The following SFMBT2 variants were observed in gnomAD, a reference collection of about 807,000 sequenced individuals.
SFMBT2 encodes scm-like with four MBT domains protein 2.
SFMBT2 carries 38 observed loss-of-function variants against 110.1 expected under a neutral mutation model. That is an observed-to-expected ratio of 0.35 (90% CI 0.27 to 0.45). The LOEUF is 0.45. Ranked by LOEUF, SFMBT2 falls within the 20% of genes least tolerant of loss-of-function variation. The pLI, the probability that SFMBT2 is intolerant of heterozygous loss-of-function variation, is 1.00. For synonymous variants in SFMBT2, 425 were observed against 425.4 expected, an observed-to-expected ratio of 1.00 and a Z score of 0.01; for missense variants, 1,011 against 1,094.9, an observed-to-expected ratio of 0.92 and a Z score of 1.08.
chr10:7,183,563 T>C (rs1056980726), intron 16 of SFMBT2, among the ~76,000 whole-genome samples: 12 of 152,134 alleles, frequency 7.9e-5, no homozygotes, highest in East Asian at 3.8e-4. Flanking sequence ...TGCTGTAAAA[T>C]AGAAACTTTA....
At chr10:7,309,495 A>C (rs1842788132) in intron 4 of SFMBT2, among the ~76,000 whole-genome samples, 1 of 152,198 alleles carries the variant, frequency 6.6e-6, no homozygotes, top group African/African-American at 2.4e-5. Flanking sequence ...GGCCTGACAA[A>C]GATGGCAGGG....
At chr10:7,328,812 C>CA (rs375839323) in intron 4 of SFMBT2, among the ~76,000 whole-genome samples, 14 of 151,396 alleles carry the variant, frequency 9.2e-5, no homozygotes, top group Admixed American at 5.9e-4. Flanking sequence ...ACATTTGTAC[C>CA]AAAAAAAAGT....
chr10:7,313,213 T>C (rs987023846), intron 4 of SFMBT2, among the ~76,000 whole-genome samples: 7 of 150,060 alleles, frequency 4.7e-5, no homozygotes, highest in African/African-American at 1.7e-4. Flanking sequence ...TATAACATTA[T>C]TTATATAATA....
chr10:7,342,632 T>C (rs769496941), intron 4 of SFMBT2, among the ~76,000 whole-genome samples: 16 of 151,942 alleles, frequency 1.1e-4, no homozygotes, highest in Non-Finnish European at 1.3e-4. Flanking sequence ...CTCCTGACTT[T>C]GTGATCCGCC....
At chr10:7,329,067 G>A (rs188422167) in intron 4 of SFMBT2, among the ~76,000 whole-genome samples, 112 of 152,348 alleles carry the variant, frequency 7.4e-4, no homozygotes, top group African/African-American at 2.6e-3. Context: ...GCCATTGTAT[G>A]AGCATGTGGC....
At chr10:7,199,807 G>GT (rs1270254219) in intron 14 of SFMBT2, among the ~76,000 whole-genome samples, 1 of 152,096 alleles carries the variant, frequency 6.6e-6, no homozygotes, top group Non-Finnish European at 1.5e-5. Context: ...TTCAGAGCAG[G>GT]TTTCATTTTG....
At chr10:7,192,934 C>T (rs979661377) in intron 15 of SFMBT2, among the ~76,000 whole-genome samples, 5 of 152,114 alleles carry the variant, frequency 3.3e-5, no homozygotes, top group African/African-American at 1.2e-4. Flanking sequence ...GTCTCACCAG[C>T]ATCTCAGCAA....
chr10:7,207,958 T>C (rs931220720), intron 11 of SFMBT2, among the ~76,000 whole-genome samples: 34 of 152,390 alleles, frequency 2.2e-4, no homozygotes, highest in African/African-American at 7.9e-4. Context: ...AAATGTTTAA[T>C]TCCCCTGTAA....
At chr10:7,337,758 G>A (rs892456929) in intron 4 of SFMBT2, among the ~76,000 whole-genome samples, 3 of 152,100 alleles carry the variant, frequency 2.0e-5, no homozygotes, top group African/African-American at 7.2e-5. Context: ...AAGACCATAA[G>A]AGCTCCTGTT....
chr10:7,220,661 GTGTT>G, intron 10 of SFMBT2, 124 bp from the exon 11 acceptor site: 1 of 976,970 alleles, frequency 1.0e-6, no homozygotes, highest in East Asian at 2.4e-5. Flanking sequence ...GCTCACGTAT[GTGTT>G]TGTCCTTCCC....
chr10:7,291,887 C>T (rs975424650), intron 4 of SFMBT2, among the ~76,000 whole-genome samples: 4 of 152,112 alleles, frequency 2.6e-5, no homozygotes, highest in Admixed American at 1.3e-4. Context: ...TATAGGCATC[C>T]CATGGAACCC....
chr10:7,356,431 T>C (rs954257665), intron 4 of SFMBT2, among the ~76,000 whole-genome samples: 2 of 152,184 alleles, frequency 1.3e-5, no homozygotes, highest in African/African-American at 4.8e-5. Flanking sequence ...TTTTGTTTTG[T>C]TTGAGATGGA....
At chr10:7,338,234 AC>A (rs1402085871) in intron 4 of SFMBT2, among the ~76,000 whole-genome samples, 1 of 152,228 alleles carries the variant, frequency 6.6e-6, no homozygotes, top group Non-Finnish European at 1.5e-5. Context: ...TAAGAGAATC[AC>A]TTCTGCCATA....
At chr10:7,196,260 C>T (rs938516749) in intron 15 of SFMBT2, among the ~76,000 whole-genome samples, 3 of 152,190 alleles carry the variant, frequency 2.0e-5, no homozygotes, top group African/African-American at 7.2e-5. Flanking sequence ...AGCATCAAGG[C>T]AGGCCAGCTT....
At chr10:7,309,819 T>C (rs933049884) in intron 4 of SFMBT2, among the ~76,000 whole-genome samples, 19 of 152,280 alleles carry the variant, frequency 1.2e-4, no homozygotes, top group African/African-American at 4.6e-4. Context: ...GGTGGGTGTC[T>C]GTAACAATGA....
intron 7 of SFMBT2, among the ~76,000 whole-genome samples, chr10:7,252,516 C>T (rs572118921): frequency 3.9e-5 from 6 of 152,174 alleles, no homozygotes; most frequent in Non-Finnish European, 5.9e-5. Flanking sequence ...TGTGCTCGAA[C>T]GTCCATCATT....
At chr10:7,260,236 G>A (rs1841151440) in intron 7 of SFMBT2, among the ~76,000 whole-genome samples, 1 of 152,106 alleles carries the variant, frequency 6.6e-6, no homozygotes, top group Non-Finnish European at 1.5e-5. Flanking sequence ...TCTATTAAAG[G>A]GCCTTCTCAC....
intron 1 of SFMBT2, among the ~76,000 whole-genome samples, chr10:7,407,911 GC>G (rs1846261323): frequency 6.6e-6 from 1 of 152,168 alleles, no homozygotes; most frequent in Admixed American, 6.5e-5. Context: ...CTACTGGTGC[GC>G]CCCGAGCCCC....
At chr10:7,241,134 A>G (rs887125416) in intron 9 of SFMBT2, 2 of 155,374 alleles carry the variant, frequency 1.3e-5, no homozygotes, top group African/African-American at 4.8e-5. Flanking sequence ...CTCTCTTTGC[A>G]TGCTGCCATC....
Sources: gnomAD v4.1 joint callset for allele counts (sites outside exome capture counted in the v4.1 genomes callset) on GRCh38, gnomAD v4.1.1 for gene constraint, MANE v1.5 for transcripts, NCBI Gene and HGNC (gene_info 2026-07-23, HGNC 2026-07-21) for gene names.